The following GPX7 variants were observed in gnomAD, a reference collection of about 807,000 sequenced individuals.
GPX7 encodes the protein protein peroxidase GPX7.
Under a neutral mutation model 23.7 loss-of-function variants are expected in GPX7, and 21 were observed. That is an observed-to-expected ratio of 0.89 (90% confidence interval 0.63 to 1.28). The LOEUF is 1.28. GPX7 is among the 50% of genes most tolerant of loss of function. The pLI, the probability that GPX7 is intolerant of heterozygous loss-of-function variation, is 0.00. For missense variants in GPX7, 238 were observed against 237.3 expected (o/e 1.00, Z -0.02); for synonymous variants, 112 against 101.8 (o/e 1.10, Z -0.61).
intron 2 of GPX7, 167 bp downstream of exon 2, chr1:52,607,112 T>A: frequency 1.4e-6 from 1 of 698,460 alleles, no homozygotes; most frequent in Non-Finnish European, 2.5e-6. Flanking sequence ...TTGAGGAGAG[T>A]GGAGGCAGGT....
In GPX7 at chr1:52,608,740, A is replaced by G. The variant is rs1047619; in HGVS notation, c.*315A>G. The G allele has an allele frequency of 0.13, 22,652 of 178,698 alleles. 2,709 individuals carry two copies. The highest frequency in any genetic ancestry group is 0.34 in the African/African-American group (14,432 of 42,388). The allele number at this position is 178,698 out of a possible 1,614,324, so 11.1% of individuals were successfully genotyped here. A position where few individuals can be genotyped will look rare whatever the true frequency, so the allele number is the denominator to read the frequency against. ...TAATCTCCCACCCAAGGCTTCTGTA[A>G]ACTGGGACCAATGATTACCTCATAG... is the stretch of plus-strand genomic sequence containing the variant. On this transcript the variant is annotated 3_prime_UTR_variant, in exon 3 of 3. Coordinates refer to ENST00000361314, the MANE Select transcript of GPX7 (RefSeq NM_015696.5).
chr1:52,609,029 T>C lies in GPX7; in HGVS notation c.*604T>C, dbSNP rs1461065198. 6 of 152,252 alleles carry C rather than the reference T, an allele frequency of 3.9e-5. No homozygotes were observed. Among genetic ancestry groups the C allele is most frequent in the Non-Finnish European group, 8.8e-5 (6 of 68,040 alleles). 9.4% of individuals were successfully genotyped at this position (152,252 alleles called of 1,614,324 possible). On this transcript the variant is annotated 3_prime_UTR_variant, in exon 3 of 3. Coordinates refer to ENST00000361314, the MANE Select transcript of GPX7 (RefSeq NM_015696.5). ...CCAAACAATACCTCACGATATAAAA[T>C]AAAAATGAAAGTATCCTCCTCATTT...
chr1:52,602,904 A>C (rs1207905161), intron 1 of GPX7, among the ~76,000 whole-genome samples: 3 of 152,098 alleles, frequency 2.0e-5, no homozygotes, highest in Admixed American at 6.5e-5. Context: ...TGAAAAAAGT[A>C]ACCGTAGCAT....
At chr1:52,607,788 G>A (rs576457647) in intron 2 of GPX7, among the ~76,000 whole-genome samples, 1 of 152,052 alleles carries the variant, frequency 6.6e-6, no homozygotes, top group East Asian at 1.9e-4. Context: ...GATCAAACCC[G>A]GCCTTGCTTT....
rs898089418 is a variant in GPX7, at chr1:52,608,635, A to C, written c.*210A>C. On this transcript the variant is annotated 3_prime_UTR_variant, in exon 3 of 3. Transcript: ENST00000361314. ...CAAATAGGAACTCCTGGCCAATGAG[A>C]GCTCTTGACCAGTGAATCACCAGCC... 1 of 371,018 alleles carries C rather than the reference A, an allele frequency of 2.7e-6. No homozygotes were observed. Among genetic ancestry groups the C allele is most frequent in the Admixed American group, 4.4e-5 (1 of 22,592 alleles). 23.0% of individuals were successfully genotyped at this position (371,018 alleles called of 1,614,324 possible). A position where few individuals can be genotyped will look rare whatever the true frequency, so the allele number is the denominator to read the frequency against.
At chr1:52,607,056 T>A in intron 2 of GPX7, 111 bp downstream of exon 2, 1 of 1,044,918 alleles carries the variant, frequency 9.6e-7, no homozygotes, top group Non-Finnish European at 1.4e-6. Flanking sequence ...CCCTTCCCCT[T>A]CCTGATCATC....
chr1:52,608,144 T>C, intron 2 of GPX7, 118 bp from the exon 3 acceptor site: 1 of 874,972 alleles, frequency 1.1e-6, no homozygotes, highest in Non-Finnish European at 1.7e-6. Flanking sequence ...TGGAGTGGTC[T>C]GGGGTGTGGA....
At position 52,606,845 on chromosome 1, in the gene GPX7, T is replaced by A. The variant is rs762107009; in HGVS notation, c.300T>A (p.Ile100=). The change falls in exon 2 of 3, where the codon ATT becomes ATA. Residue 100 remains isoleucine (I), a synonymous_variant. Coordinates refer to ENST00000361314, the MANE Select transcript of GPX7 (RefSeq NM_015696.5). ...GQQEPDSNKE[I]ESFARRTYSV... is the part of the protein sequence containing the mutation. ...AGGAGCCTGACAGCAACAAGGAGAT[T>A]GAGAGCTTTGCCCGCCGCACCTACA... 1 of 1,614,150 alleles carries A rather than the reference T, an allele frequency of 6.2e-7. No individual in the cohort carries two copies. Among genetic ancestry groups the A allele is most frequent in the Non-Finnish European group, 8.5e-7 (1 of 1,180,012 alleles).
chr1:52,607,159 A>G, intron 2 of GPX7: 1 of 587,678 alleles, frequency 1.7e-6, no homozygotes, highest in Non-Finnish European at 3.0e-6. Context: ...GAATATCTCC[A>G]TACCTGCTGC....
intron 1 of GPX7, among the ~76,000 whole-genome samples, chr1:52,604,705 C>T (rs34019243): frequency 0.076 from 11,592 of 152,166 alleles, 550 homozygotes; most frequent in African/African-American, 0.13. Context: ...GCCAGATTTT[C>T]CCCCTTCCAA....
intron 1 of GPX7, among the ~76,000 whole-genome samples, chr1:52,603,397 A>G (rs1408466346): frequency 2.6e-5 from 4 of 152,156 alleles, no homozygotes; most frequent in Non-Finnish European, 5.9e-5. Flanking sequence ...TTGTGCTTCA[A>G]AGAGTCTAAA....
intron 1 of GPX7, 100 bp downstream of exon 1, chr1:52,602,647 C>G (rs55812605): frequency 5.4e-6 from 3 of 551,912 alleles, no homozygotes; most frequent in Non-Finnish European, 7.9e-6. Flanking sequence ...GGTGTGGCTC[C>G]GAGGACGCTC....
intron 1 of GPX7, among the ~76,000 whole-genome samples, chr1:52,605,585 T>G (rs1558075667): frequency 6.6e-6 from 1 of 152,238 alleles, no homozygotes; most frequent in Non-Finnish European, 1.5e-5. Context: ...GCCAAAATTC[T>G]AATCAAAGTC....
At position 52,606,896 on chromosome 1, in the gene GPX7, GATTGCAGTC is replaced by G; in HGVS notation, c.353_361del (p.Ile118_Val120del). On this transcript the variant is annotated inframe_deletion, in exon 2 of 3. Coordinates refer to ENST00000361314, the MANE Select transcript of GPX7 (RefSeq NM_015696.5). ...GTGTCTCATTCCCCATGTTTAGCAA[GATTGCAGTC>G]ACCGGTACTGGTGCCCATCCTGCCT... The G allele has an allele frequency of 1.9e-6, 3 of 1,614,226 alleles. No individual in the cohort carries two copies. Among genetic ancestry groups the G allele is most frequent in the Non-Finnish European group, 2.5e-6 (3 of 1,180,044 alleles).
intron 1 of GPX7, among the ~76,000 whole-genome samples, chr1:52,606,098 A>C (rs1044162788): frequency 6.6e-6 from 1 of 152,178 alleles, no homozygotes; most frequent in African/African-American, 2.4e-5. Flanking sequence ...GTTTGTGTGC[A>C]CACTTACTCA....
intron 2 of GPX7, among the ~76,000 whole-genome samples, chr1:52,607,959 G>A (rs1441306187): frequency 1.3e-5 from 2 of 152,172 alleles, no homozygotes; most frequent in African/African-American, 2.4e-5. Context: ...CTAGAGAATA[G>A]GGTGTAGACT....
intron 1 of GPX7, among the ~76,000 whole-genome samples, chr1:52,605,298 A>G (rs983296030): frequency 6.6e-6 from 1 of 152,114 alleles, no homozygotes; most frequent in African/African-American, 2.4e-5. Flanking sequence ...TCAATCATCT[A>G]GCCCAGTAGT....
intron 1 of GPX7, among the ~76,000 whole-genome samples, chr1:52,603,163 G>A (rs902981971): frequency 3.9e-5 from 6 of 152,198 alleles, no homozygotes; most frequent in African/African-American, 1.2e-4. Context: ...CGCCACATCC[G>A]GGGTCCTCTC....
Position 52,607,188 on chromosome 1 carries a change from A to G in GPX7, c.400+243A>G, listed in dbSNP as rs1571660926. 6 of 551,974 alleles carry G rather than the reference A, an allele frequency of 1.1e-5. No individual in the cohort carries two copies. In the East Asian group the frequency reaches 1.7e-4, roughly 16 times the overall value. 34.2% of individuals were successfully genotyped at this position (551,974 alleles called of 1,614,324 possible). A position where few individuals can be genotyped will look rare whatever the true frequency, so the allele number is the denominator to read the frequency against. On this transcript the variant is annotated intron_variant, in intron 2 of 2. Transcript: ENST00000361314. ...CTGCTGCCTCTCACTTGTCCCTCAG[A>G]AGTCACTCTTTTGGACTTTTCTGGG...
Sources: gnomAD v4.1 joint callset for allele counts (sites outside exome capture counted in the v4.1 genomes callset) on GRCh38, gnomAD v4.1.1 for gene constraint, MANE v1.5 for transcripts, NCBI Gene and HGNC (gene_info 2026-07-23, HGNC 2026-07-21) for gene names.